LGSN: variants seen among roughly 807,000 people sequenced by gnomAD.
The protein encoded by LGSN is lengsin, lens protein with glutamine synthetase domain, also known as lengsin.
LGSN carries 21 observed loss-of-function variants against 19.5 expected under a neutral mutation model. The observed-to-expected ratio is 1.07, with a 90% CI of 0.76 to 1.55. The LOEUF is 1.55. LGSN is among the 40% of genes most tolerant of loss of function. The pLI, the probability that LGSN is intolerant of heterozygous loss-of-function variation, is 0.00. For synonymous variants in LGSN, 257 were observed against 215.6 expected (o/e 1.19, Z -1.68); for missense variants, 673 against 608.5 (o/e 1.11, Z -1.12).
At chr6:63,331,667 C>T in the LGSN span, among the ~76,000 whole-genome samples, 447 of 152,218 alleles carry the variant, frequency 2.9e-3, 2 homozygotes, top group African/African-American at 0.01. Flanking sequence ...CCACAACGGT[C>T]CCTGGACCCT....
At chr6:63,490,414 A>T in the LGSN span, among the ~76,000 whole-genome samples, 1 of 152,166 alleles carries the variant, frequency 6.6e-6, no homozygotes, top group East Asian at 1.9e-4. Context: ...CAAGCAAAAA[A>T]CACAAGGAAA....
At chr6:63,366,298 GACAA>G in the LGSN span, among the ~76,000 whole-genome samples, 1 of 152,108 alleles carries the variant, frequency 6.6e-6, no homozygotes, top group Non-Finnish European at 1.5e-5. Flanking sequence ...ACCAATAACA[GACAA>G]ACAGAGAGCC....
the LGSN span, among the ~76,000 whole-genome samples, chr6:63,430,390 T>C: frequency 6.6e-6 from 1 of 152,104 alleles, no homozygotes; most frequent in African/African-American, 2.4e-5. Context: ...AAATCTTTTA[T>C]TTTATTTTAT....
the LGSN span, among the ~76,000 whole-genome samples, chr6:63,514,692 T>G: frequency 6.6e-6 from 1 of 152,200 alleles, no homozygotes; most frequent in African/African-American, 2.4e-5. Context: ...AGTAAAGAAC[T>G]TCTGTTGAAC....
chr6:63,277,601 A>T lies in LGSN; in HGVS notation c.*2420T>A, dbSNP rs568767729. Reference sequence around the variant, plus strand: ...AAGTTTGGTTCTCTCTCAGGTAAACATCTGGATGTAGGCAAGTCAAACTGC... The same window carrying T: ...AAGTTTGGTTCTCTCTCAGGTAAACTTCTGGATGTAGGCAAGTCAAACTGC... On this transcript the variant is annotated 3_prime_UTR_variant, in exon 4 of 4. Coordinates refer to ENST00000370657, the MANE Select transcript of LGSN (RefSeq NM_016571.3). 2.0e-5 allele frequency: 3 copies of T among 152,204 alleles called. No individual in the cohort carries two copies. The highest frequency in any genetic ancestry group is 4.4e-5 in the Non-Finnish European group (3 of 68,046). 9.4% of individuals were successfully genotyped at this position (152,204 alleles called of 1,614,324 possible). A position where few individuals can be genotyped will look rare whatever the true frequency, so the allele number is the denominator to read the frequency against.
the LGSN span, among the ~76,000 whole-genome samples, chr6:63,437,755 C>T: frequency 1.3e-5 from 2 of 151,982 alleles, no homozygotes; most frequent in East Asian, 1.9e-4. Context: ...CATAGTGAAA[C>T]CCTGTCTCTA....
chr6:63,458,897 T>C, the LGSN span, among the ~76,000 whole-genome samples: 1 of 152,258 alleles, frequency 6.6e-6, no homozygotes, highest in South Asian at 2.1e-4. Flanking sequence ...ATACTTTTAC[T>C]GGAAGAGACA....
chr6:63,506,685 G>A, the LGSN span, among the ~76,000 whole-genome samples: 187 of 152,118 alleles, frequency 1.2e-3, 1 homozygote, highest in Non-Finnish European at 1.0e-3. Context: ...TTAAGAGAAC[G>A]GGCATACATG....
At chr6:63,513,315 G>T in the LGSN span, among the ~76,000 whole-genome samples, 1 of 152,178 alleles carries the variant, frequency 6.6e-6, no homozygotes, top group Non-Finnish European at 1.5e-5. Flanking sequence ...TGGCAGGATT[G>T]TGTGCCACAC....
Position 63,313,213 on chromosome 6 carries a change from T to C in LGSN, c.30+6701A>G, listed in dbSNP as rs73432878. ...AGTAAACATAAAAAGGAAGTACCAA[T>C]GGACCATGCTGCTGAAATGATAAAT... is the stretch of plus-strand genomic sequence containing the variant. On this transcript the variant is annotated intron_variant, in intron 1 of 3. Transcript: ENST00000370657. Among the ~76,000 whole-genome samples, 368 of 152,192 alleles carry C rather than the reference T, an allele frequency of 2.4e-3. 2 individuals carry two copies. The highest frequency in any genetic ancestry group is 8.5e-3 in the African/African-American group (351 of 41,526).
the LGSN span, among the ~76,000 whole-genome samples, chr6:63,527,033 T>A: frequency 6.6e-6 from 1 of 152,010 alleles, no homozygotes; most frequent in Non-Finnish European, 1.5e-5. Flanking sequence ...CTGCACCTTA[T>A]ATATGTATTT....
the LGSN span, among the ~76,000 whole-genome samples, chr6:63,518,593 C>T: frequency 6.6e-6 from 1 of 152,136 alleles, no homozygotes; most frequent in Non-Finnish European, 1.5e-5. Context: ...ATGTAATGCT[C>T]AGTGATGTTA....
chr6:63,427,494 G>C, the LGSN span, among the ~76,000 whole-genome samples: 6 of 152,090 alleles, frequency 3.9e-5, no homozygotes, highest in Non-Finnish European at 8.8e-5. Context: ...GGCTATTCCT[G>C]ATCTGCCCTC....
At chr6:63,383,073 T>C in the LGSN span, among the ~76,000 whole-genome samples, 16 of 152,194 alleles carry the variant, frequency 1.1e-4, no homozygotes, top group South Asian at 2.1e-4. Flanking sequence ...TTTGTTCATG[T>C]TAAGAAGGAA....
At chr6:63,555,532 T>C in the LGSN span, among the ~76,000 whole-genome samples, 1 of 151,872 alleles carries the variant, frequency 6.6e-6, no homozygotes, top group African/African-American at 2.4e-5. Context: ...GCAATCATAG[T>C]TCTTGGCACC....
the LGSN span, among the ~76,000 whole-genome samples, chr6:63,337,820 A>T: frequency 6.6e-6 from 1 of 151,790 alleles, no homozygotes. Flanking sequence ...AAACAACAAA[A>T]ATATGCAACA....
At chr6:63,398,964 A>G in the LGSN span, among the ~76,000 whole-genome samples, 2 of 152,132 alleles carry the variant, frequency 1.3e-5, no homozygotes, top group Non-Finnish European at 2.9e-5. Context: ...GCCATGACAC[A>G]TGGCTAGTTT....
At chr6:63,286,116 G>A (rs1330685940) in intron 2 of LGSN, among the ~76,000 whole-genome samples, 1 of 152,132 alleles carries the variant, frequency 6.6e-6, no homozygotes. Context: ...CCTGTCTGTA[G>A]GTGACTATTA....
At chr6:63,412,415 GAAGAAAGAAAGA>G in the LGSN span, among the ~76,000 whole-genome samples, 46 of 107,830 alleles carry the variant, frequency 4.3e-4, no homozygotes, top group Middle Eastern at 4.6e-3. Flanking sequence ...AAGAAAGAAA[GAAGAAAGAAAGA>G]AAGAAAGAAA....
Sources: allele counts gnomAD v4.1 joint callset (sites outside exome capture counted in the v4.1 genomes callset), GRCh38; gene constraint gnomAD v4.1.1; transcripts MANE v1.5; gene names NCBI Gene and HGNC (gene_info 2026-07-23, HGNC 2026-07-21).